Variants in AGBL4 observed in about 807,000 individuals in gnomAD.
The protein encoded by AGBL4 is AGBL carboxypeptidase 4.
Under a neutral mutation model 66.4 loss-of-function variants are expected in AGBL4, and 58 were observed. The observed-to-expected ratio is 0.87, with a 90% CI of 0.71 to 1.09. The LOEUF (loss-of-function observed/expected upper bound fraction) is 1.09. Ranked by LOEUF, AGBL4 falls within the 50% of genes least tolerant of loss-of-function variation. The probability of loss-of-function intolerance (pLI) is 0.00; values close to 1 mark genes in which losing one functional copy is unlikely to be tolerated. For synonymous variants in AGBL4, 234 were observed against 222.9 expected, an observed-to-expected ratio of 1.05 and a Z score of -0.44; for missense variants, 579 against 631.0, an observed-to-expected ratio of 0.92 and a Z score of 0.88.
At chr1:48,613,144 G>GA (rs1054296077) in intron 9 of AGBL4, among the ~76,000 whole-genome samples, 5 of 151,920 alleles carry the variant, frequency 3.3e-5, no homozygotes, top group African/African-American at 1.2e-4. Flanking sequence ...AAAAAAAAAA[G>GA]AGAGATTATG....
At chr1:49,658,412 A>G (rs1646194777) in intron 3 of AGBL4, among the ~76,000 whole-genome samples, 1 of 152,236 alleles carries the variant, frequency 6.6e-6, no homozygotes, top group Admixed American at 6.5e-5. Context: ...TGTTGGTGGG[A>G]CTGTAAACTC....
At chr1:48,926,118 C>T (rs929348125) in intron 5 of AGBL4, among the ~76,000 whole-genome samples, 6 of 152,106 alleles carry the variant, frequency 3.9e-5, no homozygotes. Context: ...TTAATCCTGT[C>T]ACAATATTCT....
chr1:49,814,025 T>A (rs1645172445), intron 2 of AGBL4, among the ~76,000 whole-genome samples: 1 of 152,144 alleles, frequency 6.6e-6, no homozygotes, highest in African/African-American at 2.4e-5. Flanking sequence ...CCTGCTGCCA[T>A]GTAAGAAATG....
chr1:49,652,850 G>A (rs1646036651), intron 3 of AGBL4, among the ~76,000 whole-genome samples: 1 of 152,160 alleles, frequency 6.6e-6, no homozygotes, highest in Non-Finnish European at 1.5e-5. Context: ...AGGAAGAGGG[G>A]CGGCTGCAGT....
chr1:48,776,884 G>A lies in AGBL4; in HGVS notation c.634+90307C>T, dbSNP rs1570645256. On this transcript the variant is annotated intron_variant, in intron 6 of 13. Transcript: ENST00000371839. ...GGGCAGCTCAGCCCGCGGGGCGGGC[G>A]CGGAGGTGGGGATCCGGCGGGGGGC... 8.7e-6 allele frequency: 11 copies of A among 1,263,398 alleles called. No homozygotes were observed. The East Asian group carries it at 2.2e-4, about 25-fold the overall frequency. The allele number at this position is 1,263,398 out of a possible 1,614,324, so 78.3% of individuals were successfully genotyped here.
At chr1:49,700,653 T>A (rs1647073961) in intron 2 of AGBL4, among the ~76,000 whole-genome samples, 1 of 152,142 alleles carries the variant, frequency 6.6e-6, no homozygotes, top group South Asian at 2.1e-4. Flanking sequence ...AGTGATATCA[T>A]ACTGCATGTG....
chr1:49,108,663 A>C (rs1645345459), intron 4 of AGBL4, among the ~76,000 whole-genome samples: 1 of 152,182 alleles, frequency 6.6e-6, no homozygotes, highest in South Asian at 2.1e-4. Context: ...TATTGACAAA[A>C]TAGTGAATGA....
At chr1:48,670,458 C>T (rs1323924611) in intron 6 of AGBL4, among the ~76,000 whole-genome samples, 1 of 152,220 alleles carries the variant, frequency 6.6e-6, no homozygotes, top group Non-Finnish European at 1.5e-5. Flanking sequence ...CCAGTGGATT[C>T]CTGCCAGAGA....
chr1:49,811,399 T>C (rs76646953), intron 2 of AGBL4, among the ~76,000 whole-genome samples: 2 of 152,252 alleles, frequency 1.3e-5, no homozygotes, highest in Non-Finnish European at 2.9e-5. Flanking sequence ...CATAGTAAAA[T>C]TTCTATGAAA....
At chr1:49,128,342 T>A (rs1450872078) in intron 4 of AGBL4, among the ~76,000 whole-genome samples, 2 of 152,092 alleles carry the variant, frequency 1.3e-5, no homozygotes, top group East Asian at 3.9e-4. Flanking sequence ...TTAAATATAA[T>A]CCCAATTGAT....
chr1:49,798,017 T>C (rs1184540222), intron 2 of AGBL4, among the ~76,000 whole-genome samples: 1 of 152,124 alleles, frequency 6.6e-6, no homozygotes, highest in East Asian at 1.9e-4. Context: ...TCCAAAGTGC[T>C]GGGATTACGG....
chr1:48,529,787 A>T (rs1643896426), downstream of AGBL4, among the ~76,000 whole-genome samples: 1 of 152,142 alleles, frequency 6.6e-6, no homozygotes, highest in Non-Finnish European at 1.5e-5. Context: ...AGAGAGTGTC[A>T]CGATGGGTCC....
At chr1:49,842,254 T>G (rs1397968555) in intron 2 of AGBL4, 1 of 443,710 alleles carries the variant, frequency 2.3e-6, no homozygotes, top group Admixed American at 2.8e-5. Context: ...TGTACTATGA[T>G]GTAATGCTGG....
intron 1 of AGBL4, among the ~76,000 whole-genome samples, chr1:49,940,358 C>T (rs1014827741): frequency 6.6e-6 from 1 of 152,128 alleles, no homozygotes. Context: ...TGGGTATATA[C>T]CCAAAGGACT....
intron 1 of AGBL4, among the ~76,000 whole-genome samples, chr1:49,962,435 G>C (rs1657195765): frequency 6.6e-6 from 1 of 152,072 alleles, no homozygotes; most frequent in African/African-American, 2.4e-5. Context: ...TTGAAAAATT[G>C]ATTCTAATGG....
In AGBL4 at chr1:49,788,582, TA is replaced by T. The variant is rs1255041258; in HGVS notation, c.157+62813del. On this transcript the variant is annotated intron_variant, in intron 2 of 13. Transcript: ENST00000371839. ...ATCTTATACAGAAAACTCAAATCTATAAAAAGAAACAAATGGAAATTATAGA... is the reference window on the plus strand; with the variant it reads ...ATCTTATACAGAAAACTCAAATCTATAAAAGAAACAAATGGAAATTATAGA... Among the ~76,000 whole-genome samples, 3 of 151,900 alleles carry T rather than the reference TA, an allele frequency of 2.0e-5. No homozygotes were observed. In the East Asian group the frequency reaches 5.8e-4, roughly 29 times the overall value.
chr1:48,884,693 C>A (rs1274008007), intron 5 of AGBL4, among the ~76,000 whole-genome samples: 4 of 151,962 alleles, frequency 2.6e-5, no homozygotes, highest in African/African-American at 9.7e-5. Context: ...ATATTATATC[C>A]CTAAATATGT....
chr1:48,963,132 G>A (rs1229700208), intron 5 of AGBL4, among the ~76,000 whole-genome samples: 1 of 141,292 alleles, frequency 7.1e-6, no homozygotes, highest in Admixed American at 7.1e-5. Flanking sequence ...CAAGAGCATG[G>A]TGCCAGTGTC....
chr1:48,873,916 G>A (rs1461366302), intron 5 of AGBL4, among the ~76,000 whole-genome samples: 4 of 152,116 alleles, frequency 2.6e-5, no homozygotes, highest in Non-Finnish European at 5.9e-5. Context: ...AGAATGAGAA[G>A]GGACGTGTTG....
Sources: gnomAD v4.1 joint callset for allele counts (sites outside exome capture counted in the v4.1 genomes callset) on GRCh38, gnomAD v4.1.1 for gene constraint, MANE v1.5 for transcripts, NCBI Gene and HGNC (gene_info 2026-07-23, HGNC 2026-07-21) for gene names.